Variants in SUSD4 observed in about 807,000 individuals in gnomAD.
SUSD4 encodes sushi domain-containing protein 4.
Under a neutral mutation model 50.5 loss-of-function variants are expected in SUSD4, and 41 were observed. The observed-to-expected ratio is 0.81, with a 90% confidence interval of 0.63 to 1.05. The LOEUF is 1.05. Ranked by LOEUF, SUSD4 falls within the 50% of genes least tolerant of loss-of-function variation. The pLI, the probability that SUSD4 is intolerant of heterozygous loss-of-function variation, is 0.00. For missense variants in SUSD4, 580 were observed against 634.7 expected (o/e 0.91, Z 0.93); for synonymous variants, 257 against 257.3 (o/e 1.00, Z 0.01).
chr1:223,307,108 T>A (rs776260103), intron 2 of SUSD4, among the ~76,000 whole-genome samples: 1 of 149,598 alleles, frequency 6.7e-6, no homozygotes, highest in Non-Finnish European at 1.5e-5. Context: ...GGTGGCTCCC[T>A]CCTTGGCCTC....
chr1:223,322,173 G>T lies in SUSD4; in HGVS notation c.149-29522C>A, dbSNP rs1666611221. The stretch of plus-strand genomic sequence containing the variant: ...TTGTGAGATATTTATAACAACTGTG[G>T]GCGATACGAAAATATCTGTGACTCC... On this transcript the variant is annotated intron_variant, in intron 2 of 8. Transcript: ENST00000366878. Among the ~76,000 whole-genome samples, 3 of 152,102 alleles carry T rather than the reference G, an allele frequency of 2.0e-5. 1 individual carries two copies. The South Asian group carries it at 6.2e-4, about 32-fold the overall frequency.
At chr1:223,279,199 C>G (rs533057435) in intron 3 of SUSD4, among the ~76,000 whole-genome samples, 16 of 152,166 alleles carry the variant, frequency 1.1e-4, no homozygotes, top group Non-Finnish European at 2.1e-4. Context: ...CTCCTTGCCA[C>G]CAATGGAACA....
chr1:223,361,086 C>T lies in SUSD4; in HGVS notation c.148+2192G>A, dbSNP rs187783148. On this transcript the variant is annotated intron_variant, in intron 2 of 8. Transcript: ENST00000366878. ...CACTCCAGACCAAATGAATCAGCAT[C>T]CACCTTTTAACAAGATCCCAGGTGA... Among the ~76,000 whole-genome samples, 3 of 152,300 alleles carry T rather than the reference C, an allele frequency of 2.0e-5. No individual in the cohort carries two copies. In the East Asian group the frequency reaches 5.8e-4, roughly 29 times the overall value.
At chr1:223,359,300 G>C (rs1257716629) in intron 2 of SUSD4, among the ~76,000 whole-genome samples, 1 of 152,132 alleles carries the variant, frequency 6.6e-6, no homozygotes, top group Non-Finnish European at 1.5e-5. Context: ...TTCCTTGCAG[G>C]TATACTATAT....
chr1:223,248,513 G>A (rs1212453904), intron 5 of SUSD4, among the ~76,000 whole-genome samples: 12 of 152,314 alleles, frequency 7.9e-5, no homozygotes, highest in East Asian at 1.9e-4. Context: ...CCATGACTAC[G>A]TCTGAAACTT....
At chr1:223,339,548 C>T (rs1346419251) in intron 2 of SUSD4, among the ~76,000 whole-genome samples, 1 of 152,206 alleles carries the variant, frequency 6.6e-6, no homozygotes, top group Non-Finnish European at 1.5e-5. Context: ...CTGCCCCCGC[C>T]AGGTCCCTGT....
At chr1:223,237,466 G>A (rs569351434) in intron 5 of SUSD4, among the ~76,000 whole-genome samples, 30 of 152,030 alleles carry the variant, frequency 2.0e-4, no homozygotes, top group Non-Finnish European at 3.2e-4. Flanking sequence ...TTCATTAAGC[G>A]TGATGTTAGC....
chr1:223,303,876 G>T (rs567199518), intron 2 of SUSD4, among the ~76,000 whole-genome samples: 1 of 152,314 alleles, frequency 6.6e-6, no homozygotes, highest in Non-Finnish European at 1.5e-5. Context: ...GTGTGCATCA[G>T]TAATTTCTAA....
chr1:223,244,741 G>T (rs776890327), intron 5 of SUSD4, among the ~76,000 whole-genome samples: 3 of 152,172 alleles, frequency 2.0e-5, no homozygotes, highest in Non-Finnish European at 4.4e-5. Context: ...TCATAGGCAG[G>T]TGCCCAAAGT....
chr1:223,295,050 T>C (rs1264427509), intron 2 of SUSD4, among the ~76,000 whole-genome samples: 1 of 152,162 alleles, frequency 6.6e-6, no homozygotes, highest in African/African-American at 2.4e-5. Flanking sequence ...TTGAAACATA[T>C]ATTCACGATG....
At chr1:223,248,438 T>C (rs1483712803) in intron 5 of SUSD4, among the ~76,000 whole-genome samples, 1 of 152,182 alleles carries the variant, frequency 6.6e-6, no homozygotes, top group Admixed American at 6.5e-5. Context: ...CCCAGTCTGA[T>C]CTAAATTTGG....
intron 2 of SUSD4, among the ~76,000 whole-genome samples, chr1:223,357,241 T>C (rs947476571): frequency 4.0e-5 from 6 of 151,880 alleles, no homozygotes; most frequent in Admixed American, 6.6e-5. Flanking sequence ...TGGGATTTTC[T>C]TGTTGTTGTG....
intron 4 of SUSD4, 124 bp downstream of exon 4, chr1:223,268,378 G>A: frequency 1.6e-6 from 2 of 1,275,754 alleles, no homozygotes; most frequent in Non-Finnish European, 2.1e-6. Flanking sequence ...ATCCATGTGG[G>A]GTAGATGGCT....
intron 5 of SUSD4, chr1:223,263,657 C>T: frequency 1.0e-6 from 1 of 985,368 alleles, no homozygotes. Context: ...CTCCAGCCAA[C>T]CCCACTCCAC....
intron 5 of SUSD4, among the ~76,000 whole-genome samples, chr1:223,250,454 T>C (rs1373130563): frequency 1.3e-5 from 2 of 152,130 alleles, no homozygotes; most frequent in Admixed American, 1.3e-4. Flanking sequence ...TTTGCAAAGA[T>C]AAGGGAATTG....
intron 2 of SUSD4, among the ~76,000 whole-genome samples, chr1:223,344,253 G>A (rs1265413204): frequency 6.6e-6 from 1 of 152,192 alleles, no homozygotes; most frequent in Admixed American, 6.5e-5. Context: ...GATGGGTGAT[G>A]TGTTTGGCAT....
Position 223,332,820 on chromosome 1 carries a change from T to A in SUSD4, c.148+30458A>T, listed in dbSNP as rs538149694. Among the ~76,000 whole-genome samples, 2 of 152,054 alleles carry A rather than the reference T, an allele frequency of 1.3e-5. No homozygotes were observed. The highest frequency in any genetic ancestry group is 2.9e-5 in the Non-Finnish European group (2 of 68,010). ...CCTGCCCCTGTCCTTTATGCCTACC[T>A]CCAGCTAAGCGGGTACTGGGGAGGG... On this transcript the variant is annotated intron_variant, in intron 2 of 8. Coordinates refer to ENST00000366878, the MANE Select transcript of SUSD4 (RefSeq NM_017982.4). This position sits in a 1 kb window ranked among gnomAD's most constrained non-coding sequence, Gnocchi z 4.0.
intron 2 of SUSD4, among the ~76,000 whole-genome samples, chr1:223,342,616 A>G (rs530080027): frequency 1.9e-4 from 29 of 152,358 alleles, no homozygotes; most frequent in Non-Finnish European, 2.8e-4. Flanking sequence ...ATACAATGTT[A>G]GTATATTATG....
intron 5 of SUSD4, among the ~76,000 whole-genome samples, chr1:223,250,064 C>T (rs1267092363): frequency 6.6e-6 from 1 of 152,234 alleles, no homozygotes; most frequent in African/African-American, 2.4e-5. Flanking sequence ...CCTGGGTTCA[C>T]ATCCTGGCTC....
Sources: gnomAD v4.1 joint callset for allele counts (sites outside exome capture counted in the v4.1 genomes callset) on GRCh38, gnomAD v4.1.1 for gene constraint, Gnocchi (gnomAD v3.1) non-coding constraint, MANE v1.5 for transcripts, NCBI Gene and HGNC (gene_info 2026-07-23, HGNC 2026-07-21) for gene names.